RBM46: variants seen among roughly 807,000 people sequenced by gnomAD.
The protein encoded by RBM46 is RNA binding motif protein 46.
RBM46 carries 12 observed loss-of-function variants against 43.3 expected under a neutral mutation model. The ratio of observed to expected loss-of-function variants is 0.28; its 90% CI spans 0.18 to 0.45. The LOEUF is 0.45. Ranked by LOEUF, RBM46 falls within the 20% of genes least tolerant of loss-of-function variation. The pLI is 1.00. For missense variants in RBM46, 412 were observed against 639.1 expected, an observed-to-expected ratio of 0.64 and a Z score of 3.83; for synonymous variants, 205 against 207.6, an observed-to-expected ratio of 0.99 and a Z score of 0.11.
chr4:154,809,868 G>C (rs1333202063), intron 4 of RBM46, among the ~76,000 whole-genome samples: 1 of 152,090 alleles, frequency 6.6e-6, no homozygotes, highest in Non-Finnish European at 1.5e-5. Flanking sequence ...TTAAATTGGA[G>C]AAATTGAGAC....
intron 2 of RBM46, among the ~76,000 whole-genome samples, chr4:154,797,471 T>C (rs1734411968): frequency 6.6e-6 from 1 of 152,176 alleles, no homozygotes. Flanking sequence ...ATAAAAGCGC[T>C]TGCTTTTTCT....
chr4:154,788,540 G>A (rs1158784627), intron 1 of RBM46, among the ~76,000 whole-genome samples: 2 of 152,212 alleles, frequency 1.3e-5, no homozygotes, highest in East Asian at 3.9e-4. Flanking sequence ...TGTTCCATTG[G>A]TCTATATCTC....
chr4:154,824,448 G>A (rs1560916238), intron 4 of RBM46, among the ~76,000 whole-genome samples: 1 of 151,956 alleles, frequency 6.6e-6, no homozygotes, highest in Non-Finnish European at 1.5e-5. Flanking sequence ...AAACAACCCA[G>A]ATATTCATCA....
intron 1 of RBM46, chr4:154,790,615 A>G (rs935079921): frequency 4.6e-5 from 7 of 152,234 alleles, no homozygotes; most frequent in Admixed American, 6.5e-5. Flanking sequence ...TAGATATTCT[A>G]TGATATTACA....
intron 1 of RBM46, among the ~76,000 whole-genome samples, chr4:154,782,506 CG>C: frequency 6.6e-6 from 1 of 152,242 alleles, no homozygotes; most frequent in South Asian, 2.1e-4. Context: ...TGTTTTGAGA[CG>C]GAGTCTCGCT....
intron 4 of RBM46, chr4:154,820,444 C>T (rs1330652703): frequency 1.5e-6 from 2 of 1,356,550 alleles, no homozygotes; most frequent in South Asian, 1.3e-5. Context: ...TTAGGTAAAA[C>T]TCTCTTAGGA....
intron 1 of RBM46, among the ~76,000 whole-genome samples, chr4:154,788,445 TC>T (rs200062356): frequency 0.044 from 6,736 of 152,256 alleles, 475 homozygotes; most frequent in African/African-American, 0.15. Context: ...AAATAGGGAA[TC>T]GTTTCCCCAT....
rs1736065082 is a variant in RBM46 at position 154,828,371 on chromosome 4, T to G, written c.*304T>G. The G allele has an allele frequency of 3.6e-4, 6 of 16,638 alleles. No homozygotes were observed. The South Asian group carries it at 7.6e-3, about 21-fold the overall frequency. 1.0% of individuals were successfully genotyped at this position (16,638 alleles called of 1,614,324 possible). A position where few individuals can be genotyped will look rare whatever the true frequency, so the allele number is the denominator to read the frequency against. ...GGGCAATAGAACCTAGTCATTTATG[T>G]TTTTTTTTTTTTTTGCATAATTTTA... is the stretch of plus-strand genomic sequence containing the variant. On this transcript the variant is annotated 3_prime_UTR_variant, in exon 5 of 5. Coordinates refer to ENST00000281722, the MANE Select transcript of RBM46 (RefSeq NM_144979.5).
intron 4 of RBM46, among the ~76,000 whole-genome samples, chr4:154,800,294 G>A (rs1734569804): frequency 6.6e-6 from 1 of 152,178 alleles, no homozygotes. Flanking sequence ...GCAGGGGATA[G>A]GGAGTTAGTA....
chr4:154,825,622 A>C (rs1469877834), intron 4 of RBM46, among the ~76,000 whole-genome samples: 1 of 152,176 alleles, frequency 6.6e-6, no homozygotes, highest in Non-Finnish European at 1.5e-5. Context: ...CTCCTTGAAA[A>C]TATGCAGTAC....
intron 4 of RBM46, among the ~76,000 whole-genome samples, chr4:154,801,115 A>G (rs570556171): frequency 2.0e-5 from 3 of 151,784 alleles, no homozygotes; most frequent in African/African-American, 7.3e-5. Flanking sequence ...AGTAGCTGGG[A>G]TTACAGGCGC....
chr4:154,786,667 G>A (rs1369262973), intron 1 of RBM46, among the ~76,000 whole-genome samples: 2 of 151,718 alleles, frequency 1.3e-5, no homozygotes, highest in African/African-American at 4.8e-5. Context: ...GATGGCTCAC[G>A]CCTTTAATCC....
At chr4:154,784,223 G>C (rs982771673) in intron 1 of RBM46, among the ~76,000 whole-genome samples, 1 of 151,988 alleles carries the variant, frequency 6.6e-6, no homozygotes, top group African/African-American at 2.4e-5. Context: ...CTCTTTCACA[G>C]CTTTCTAAAT....
At position 154,798,235 on chromosome 4, in the gene RBM46, A is replaced by G. The variant is rs766906469; in HGVS notation, c.576A>G (p.Glu192=). 4 of 1,609,028 alleles carry G rather than the reference A, an allele frequency of 2.5e-6. No homozygotes were observed. Among genetic ancestry groups the G allele is most frequent in the East Asian group, 2.2e-5 (1 of 44,832 alleles). ...KNRGFAFVEY[E]SHRAAAMARR... ...GTGGTTTTGCATTTGTGGAATATGA[A>G]TCTCACAGAGCTGCTGCTATGGCAA... Residue 192 remains glutamate, a synonymous_variant, in exon 3 of 5, where the codon GAA becomes GAG. Coordinates refer to ENST00000281722, the MANE Select transcript of RBM46 (RefSeq NM_144979.5).
intron 4 of RBM46, among the ~76,000 whole-genome samples, chr4:154,810,123 C>G (rs1157430769): frequency 6.6e-6 from 1 of 151,830 alleles, no homozygotes; most frequent in Non-Finnish European, 1.5e-5. Flanking sequence ...GCATACACAT[C>G]TATATTGTAT....
chr4:154,816,029 A>G (rs1735425947), intron 4 of RBM46, among the ~76,000 whole-genome samples: 1 of 152,118 alleles, frequency 6.6e-6, no homozygotes, highest in Non-Finnish European at 1.5e-5. Flanking sequence ...TAAATCAAGT[A>G]TGTGTATATA....
intron 4 of RBM46, chr4:154,820,334 C>CAA: frequency 6.9e-7 from 1 of 1,446,826 alleles, no homozygotes; most frequent in Non-Finnish European, 9.3e-7. Flanking sequence ...TCTAAAGACT[C>CAA]AATTATTTTC....
intron 1 of RBM46, among the ~76,000 whole-genome samples, chr4:154,794,177 CTTTTTTTTTTTT>C (rs58437982): frequency 1.7e-5 from 2 of 115,760 alleles, no homozygotes; most frequent in African/African-American, 3.8e-5. Context: ...GTAGTAATCA[CTTTTTTTTTTTT>C]TTTTTTTTTG....
At chr4:154,821,268 A>G (rs1039105462) in intron 4 of RBM46, among the ~76,000 whole-genome samples, 11 of 151,818 alleles carry the variant, frequency 7.2e-5, no homozygotes, top group Non-Finnish European at 1.6e-4. Context: ...GGTCCTTACA[A>G]CTTTTTATAG....
Sources: allele counts gnomAD v4.1 joint callset (sites outside exome capture counted in the v4.1 genomes callset), GRCh38; gene constraint gnomAD v4.1.1; transcripts MANE v1.5; gene names NCBI Gene and HGNC (gene_info 2026-07-23, HGNC 2026-07-21).